Variants in BCKDHB observed in about 807,000 individuals in gnomAD.
BCKDHB encodes the protein 2-oxoisovalerate dehydrogenase subunit beta, mitochondrial.
A neutral mutation model predicts 48.5 loss-of-function variants in BCKDHB; 41 were observed. The observed-to-expected ratio is 0.85, with a 90% CI of 0.66 to 1.10. The LOEUF (loss-of-function observed/expected upper bound fraction) is 1.10, where lower values mean the gene tolerates loss of function less well. Ranked by LOEUF, BCKDHB falls within the 50% of genes least tolerant of loss-of-function variation. The pLI, the probability that BCKDHB is intolerant of heterozygous loss-of-function variation, is 0.00. For synonymous variants in BCKDHB, 201 were observed against 174.8 expected (o/e 1.15, Z -1.18); for missense variants, 496 against 494.2 (o/e 1.00, Z -0.03).
the BCKDHB span, among the ~76,000 whole-genome samples, chr6:80,377,895 T>TTA: frequency 3.7e-4 from 56 of 152,296 alleles, 1 homozygote; most frequent in African/African-American, 1.3e-3. Context: ...CTGAGAGGGA[T>TTA]TATAGATCAA....
chr6:80,410,131 A>C, the BCKDHB span, among the ~76,000 whole-genome samples: 3 of 152,114 alleles, frequency 2.0e-5, no homozygotes, highest in Admixed American at 6.6e-5. Flanking sequence ...AGCTCTTGTA[A>C]GGCAGGCCTG....
chr6:80,456,635 G>A, the BCKDHB span, among the ~76,000 whole-genome samples: 1 of 152,208 alleles, frequency 6.6e-6, no homozygotes, highest in African/African-American at 2.4e-5. Context: ...TGAAGGTCCT[G>A]CCAGTTGTCC....
the BCKDHB span, among the ~76,000 whole-genome samples, chr6:80,446,906 T>G: frequency 6.6e-6 from 1 of 151,988 alleles, no homozygotes; most frequent in Non-Finnish European, 1.5e-5. Context: ...TGTTTCTGGT[T>G]GGAGATGTCA....
the BCKDHB span, among the ~76,000 whole-genome samples, chr6:80,455,948 G>A: frequency 6.6e-6 from 1 of 152,142 alleles, no homozygotes; most frequent in Non-Finnish European, 1.5e-5. Context: ...ACCTTCGCTG[G>A]GCGCGGTGGC....
chr6:80,109,891 G>T (rs1211870870), intron 1 of BCKDHB, among the ~76,000 whole-genome samples: 10 of 152,140 alleles, frequency 6.6e-5, no homozygotes, highest in African/African-American at 1.9e-4. Context: ...ACTTACCCAA[G>T]TCTGGTAAGT....
intron 8 of BCKDHB, among the ~76,000 whole-genome samples, chr6:80,225,105 A>G (rs1775627701): frequency 1.3e-5 from 2 of 152,316 alleles, no homozygotes; most frequent in South Asian, 4.1e-4. Context: ...TATCTAGGTT[A>G]AGCATTCCAT....
At chr6:80,416,850 G>C in the BCKDHB span, among the ~76,000 whole-genome samples, 9 of 150,610 alleles carry the variant, frequency 6.0e-5, no homozygotes, top group Admixed American at 5.9e-4. Flanking sequence ...TTGTTTGTCT[G>C]GTGGAGAGTT....
At chr6:80,281,767 C>T (rs1204799792) in intron 9 of BCKDHB, among the ~76,000 whole-genome samples, 2 of 152,108 alleles carry the variant, frequency 1.3e-5, no homozygotes, top group Non-Finnish European at 2.9e-5. Flanking sequence ...CTCATTCTCT[C>T]CCTTCCCCTC....
At position 80,342,287 on chromosome 6, in the gene BCKDHB, A is replaced by G. The variant is rs141003931; in HGVS notation, c.1039-1377A>G. Among the ~76,000 whole-genome samples, 461 of 152,348 alleles carry G rather than the reference A, an allele frequency of 3.0e-3. 3 individuals carry two copies. Among genetic ancestry groups the G allele is most frequent in the African/African-American group, 0.01 (424 of 41,574 alleles). ...AAAACTGGACCTCCTTAAATCCTTT[A>G]TAAAGCAAGGCAATGTGTAAACACA... On this transcript the variant is annotated intron_variant, in intron 9 of 9. Transcript: ENST00000320393.
chr6:80,188,481 A>T (rs181153695), intron 6 of BCKDHB, among the ~76,000 whole-genome samples: 2 of 152,114 alleles, frequency 1.3e-5, no homozygotes, highest in Non-Finnish European at 2.9e-5. Context: ...TACAAAAAAA[A>T]TACAAAATTT....
At chr6:80,133,736 A>G (rs1055171858) in intron 3 of BCKDHB, among the ~76,000 whole-genome samples, 1 of 151,834 alleles carries the variant, frequency 6.6e-6, no homozygotes, top group Non-Finnish European at 1.5e-5. Flanking sequence ...TCTCTCTCCC[A>G]GGTTCAAGCA....
chr6:80,297,435 T>C (rs780310934), intron 9 of BCKDHB, among the ~76,000 whole-genome samples: 8 of 152,196 alleles, frequency 5.3e-5, no homozygotes, highest in Non-Finnish European at 1.2e-4. Flanking sequence ...TCAAAGTTTT[T>C]TCATATATAA....
chr6:80,107,040 A>G (rs1582148153), intron 1 of BCKDHB, 151 bp downstream of exon 1: 1 of 1,030,824 alleles, frequency 9.7e-7, no homozygotes, highest in East Asian at 2.6e-5. Flanking sequence ...CTCAGGGTCT[A>G]ACTGTGGTTC....
the BCKDHB span, among the ~76,000 whole-genome samples, chr6:80,414,263 G>T: frequency 6.6e-6 from 1 of 151,988 alleles, no homozygotes; most frequent in Non-Finnish European, 1.5e-5. Context: ...TCACTCTATT[G>T]ATAGCTTCCT....
intron 3 of BCKDHB, among the ~76,000 whole-genome samples, chr6:80,132,003 A>T (rs1214869000): frequency 6.6e-6 from 1 of 151,848 alleles, no homozygotes; most frequent in Non-Finnish European, 1.5e-5. Context: ...TTTTTATTTT[A>T]TTTATTTTAT....
intron 8 of BCKDHB, among the ~76,000 whole-genome samples, chr6:80,261,177 T>C (rs1353692322): frequency 1.3e-5 from 2 of 152,206 alleles, no homozygotes; most frequent in African/African-American, 2.4e-5. Flanking sequence ...CTTTAAGTTG[T>C]TGTCACACTG....
the BCKDHB span, among the ~76,000 whole-genome samples, chr6:80,447,301 T>C: frequency 1.3e-5 from 2 of 151,720 alleles, no homozygotes; most frequent in African/African-American, 2.4e-5. Flanking sequence ...GGATACTATT[T>C]ATTTTTTGCT....
intron 8 of BCKDHB, among the ~76,000 whole-genome samples, chr6:80,218,239 G>A (rs1447084912): frequency 6.6e-6 from 1 of 152,100 alleles, no homozygotes. Context: ...GGTTTTGTCG[G>A]TGGAGCCTGG....
At chr6:80,200,619 A>G (rs1178584082) in intron 6 of BCKDHB, among the ~76,000 whole-genome samples, 2 of 152,198 alleles carry the variant, frequency 1.3e-5, no homozygotes, top group East Asian at 3.8e-4. Context: ...TACAATTATT[A>G]TAGTTAATAA....
Sources: gnomAD v4.1 joint callset for allele counts (sites outside exome capture counted in the v4.1 genomes callset) on GRCh38, gnomAD v4.1.1 for gene constraint, MANE v1.5 for transcripts, NCBI Gene and HGNC (gene_info 2026-07-23, HGNC 2026-07-21) for gene names.